Variants in SCN1A observed in about 807,000 individuals in gnomAD.
SCN1A encodes the protein sodium channel protein type 1 subunit alpha.
SCN1A carries 13 observed loss-of-function variants against 193.7 expected under a neutral mutation model. That is an observed-to-expected ratio of 0.07 (90% CI 0.04 to 0.11). The LOEUF (loss-of-function observed/expected upper bound fraction) is 0.11. SCN1A is among the 10% of genes least tolerant of loss of function. The probability of loss-of-function intolerance (pLI) is 1.00; values close to 1 mark genes in which losing one functional copy is unlikely to be tolerated. For missense variants in SCN1A, 1,432 were observed against 2,451.1 expected (o/e 0.58, Z 8.78); for synonymous variants, 781 against 843.6 (o/e 0.93, Z 1.29).
intron 19 of SCN1A, among the ~76,000 whole-genome samples, chr2:166,034,934 G>A (rs1037091463): frequency 4.6e-5 from 7 of 152,116 alleles, no homozygotes; most frequent in Non-Finnish European, 7.4e-5. Context: ...TGATGCTGCT[G>A]GTATCTTGAT....
At chr2:166,058,493 CTT>C in intron 5 of SCN1A, 75 bp downstream of exon 5, 1 of 833,974 alleles carries the variant, frequency 1.2e-6, no homozygotes, top group Non-Finnish European at 2.0e-6. Flanking sequence ...CATTTCCCAA[CTT>C]AATTTGATAT....
chr2:166,141,986 A>G (rs6432874), intron 1 of SCN1A, among the ~76,000 whole-genome samples: 122,813 of 152,088 alleles, frequency 0.81, 50,199 homozygotes, highest in African/African-American at 0.94. Context: ...TTGACTGGGA[A>G]GTAGAATCTA....
intron 3 of SCN1A, among the ~76,000 whole-genome samples, chr2:166,077,463 G>T (rs1472354675): frequency 3.3e-5 from 5 of 151,762 alleles, no homozygotes; most frequent in Admixed American, 1.3e-4. Flanking sequence ...ATGAGAAGAA[G>T]ATGCCCCACA....
chr2:166,084,505 T>C (rs1472585338), intron 2 of SCN1A, among the ~76,000 whole-genome samples: 2 of 152,126 alleles, frequency 1.3e-5, no homozygotes, highest in Non-Finnish European at 2.9e-5. Flanking sequence ...AAATAGTGCC[T>C]GAGTCAGCAA....
intron 7 of SCN1A, 90 bp from the exon 8 acceptor site, chr2:166,053,033 TC>T: frequency 7.0e-7 from 1 of 1,431,888 alleles, no homozygotes; most frequent in African/African-American, 1.4e-5. Context: ...TCTAATCACT[TC>T]TTACCTGGAA....
intron 2 of SCN1A, among the ~76,000 whole-genome samples, chr2:166,080,835 A>C (rs1685443840): frequency 6.6e-6 from 1 of 151,956 alleles, no homozygotes; most frequent in Non-Finnish European, 1.5e-5. Flanking sequence ...AAGATATAAT[A>C]TCATCTGGTA....
chr2:166,118,036 C>T (rs1205621299), intron 2 of SCN1A, among the ~76,000 whole-genome samples: 1 of 150,052 alleles, frequency 6.7e-6, no homozygotes, highest in East Asian at 2.0e-4. Flanking sequence ...ATTCTGAGAA[C>T]ATGACTGTGA....
intron 27 of SCN1A, 45 bp from the exon 28 acceptor site, chr2:165,994,461 A>G (rs112012970): frequency 4.4e-6 from 7 of 1,575,276 alleles, no homozygotes; most frequent in Non-Finnish European, 6.1e-6. Flanking sequence ...GAGTTTTCTC[A>G]TGTGCATTAG....
At chr2:166,015,897 T>G (rs1206394564) in intron 19 of SCN1A, 170 bp from the exon 20 acceptor site, 12 of 685,434 alleles carry the variant, frequency 1.8e-5, no homozygotes, top group Non-Finnish European at 2.7e-5. Context: ...TCATTGTCTG[T>G]GCTAACCCTT....
At chr2:166,015,584 A>G (rs1290242490) in intron 20 of SCN1A, 23 bp downstream of exon 20, 1 of 1,611,784 alleles carries the variant, frequency 6.2e-7, no homozygotes, top group South Asian at 1.1e-5. Context: ...ATGAAAGATT[A>G]ACATTAGGAT....
chr2:166,081,764 C>G (rs908444112), intron 2 of SCN1A: 1 of 151,908 alleles, frequency 6.6e-6, no homozygotes, highest in Non-Finnish European at 1.5e-5. Flanking sequence ...CCTCCTCACT[C>G]CCCCGTCTCT....
Position 166,054,786 on chromosome 2 carries a change from A to C in SCN1A, c.474-20T>G, listed in dbSNP as rs1236407098. On this transcript the variant is annotated intron_variant, in intron 6 of 28. Transcript: ENST00000674923. ...GTGTATCTGAAAACAAGCATCCAAA[A>C]AATTTGATAAAGTAACAGTGTTTTT... 6.2e-7 allele frequency: 1 copy of C among 1,607,226 alleles called. No homozygotes were observed. The highest frequency in any genetic ancestry group is 8.5e-7 in the Non-Finnish European group (1 of 1,175,434).
intron 2 of SCN1A, among the ~76,000 whole-genome samples, chr2:166,107,271 G>A (rs1394326440): frequency 6.6e-6 from 1 of 152,128 alleles, no homozygotes; most frequent in Non-Finnish European, 1.5e-5. Context: ...TTGTGAATAT[G>A]TCTTGTTTTT....
In SCN1A at chr2:166,127,808, C is replaced by G. The variant is rs1691420617; in HGVS notation, c.-266G>C. 6.6e-6 allele frequency: 1 copy of G among 152,152 alleles called. No homozygotes were observed. Among genetic ancestry groups the G allele is most frequent in the East Asian group, 1.9e-4 (1 of 5,194 alleles). The allele number at this position is 152,152 out of a possible 1,614,324, so 9.4% of individuals were successfully genotyped here. ...AAAATTATCCATCTGCAGTGAGGAA[C>G]AGCATCACCCAAAGACGAGATGATA... On this transcript the variant is annotated 5_prime_UTR_variant, in exon 1 of 29. Transcript: ENST00000674923.
At chr2:166,134,102 CAATTTACATA>C (rs1691764152) in intron 1 of SCN1A, among the ~76,000 whole-genome samples, 1 of 152,166 alleles carries the variant, frequency 6.6e-6, no homozygotes, top group Non-Finnish European at 1.5e-5. Flanking sequence ...AAAAGAATGT[CAATTTACATA>C]AATCATTACC....
chr2:166,075,090 C>G (rs778790858), intron 3 of SCN1A, among the ~76,000 whole-genome samples: 1 of 152,074 alleles, frequency 6.6e-6, no homozygotes, highest in African/African-American at 2.4e-5. Flanking sequence ...AAAATACTAA[C>G]ATTTATTTTT....
intron 2 of SCN1A, among the ~76,000 whole-genome samples, chr2:166,108,409 A>G (rs980910937): frequency 5.3e-5 from 8 of 152,108 alleles, no homozygotes; most frequent in African/African-American, 1.7e-4. Context: ...AGTGTCTTAC[A>G]ATGTTAAACA....
intron 19 of SCN1A, among the ~76,000 whole-genome samples, chr2:166,023,758 T>TA (rs1319001310): frequency 2.0e-5 from 3 of 147,908 alleles, no homozygotes; most frequent in Non-Finnish European, 3.0e-5. Context: ...CTGTCCCTAC[T>TA]AAAAAAAAGA....
At chr2:166,026,679 CT>C (rs35750460) in intron 19 of SCN1A, among the ~76,000 whole-genome samples, 13,976 of 97,740 alleles carry the variant, frequency 0.14, 355 homozygotes, top group African/African-American at 0.24. Context: ...TTCTTTCTTT[CT>C]TTTTTTTTTT....
Sources: allele counts gnomAD v4.1 joint callset (sites outside exome capture counted in the v4.1 genomes callset), GRCh38; gene constraint gnomAD v4.1.1; transcripts MANE v1.5; gene names NCBI Gene and HGNC (gene_info 2026-07-23, HGNC 2026-07-21).